Variants in CDKAL1 observed in about 807,000 individuals in gnomAD.
The protein encoded by CDKAL1 is CDKAL1 threonylcarbamoyladenosine tRNA methylthiotransferase, also known as threonylcarbamoyladenosine tRNA methylthiotransferase.
Under a neutral mutation model 68.2 loss-of-function variants are expected in CDKAL1, and 32 were observed. The observed-to-expected ratio is 0.47, with a 90% confidence interval of 0.35 to 0.63. The LOEUF is 0.63. Among genes scored for constraint, CDKAL1 ranks in the 30% least tolerant of loss-of-function variants. The pLI, the probability that CDKAL1 is intolerant of heterozygous loss-of-function variation, is 0.00. For missense variants in CDKAL1, 606 were observed against 696.7 expected (o/e 0.87, Z 1.47); for synonymous variants, 234 against 244.3 (o/e 0.96, Z 0.39).
intron 10 of CDKAL1, among the ~76,000 whole-genome samples, chr6:20,973,165 G>A (rs954217924): frequency 2.0e-5 from 3 of 151,966 alleles, no homozygotes; most frequent in African/African-American, 7.3e-5. Context: ...ATTGATATAT[G>A]TAGAATGCTT....
intron 8 of CDKAL1, among the ~76,000 whole-genome samples, chr6:20,830,237 A>G (rs775793665): frequency 3.4e-4 from 52 of 152,176 alleles, no homozygotes; most frequent in Non-Finnish European, 6.8e-4. Context: ...CTTTAGAATA[A>G]CCATCAAAAC....
intron 13 of CDKAL1, among the ~76,000 whole-genome samples, chr6:21,190,958 G>GA (rs931831142): frequency 6.6e-6 from 1 of 151,846 alleles, no homozygotes; most frequent in African/African-American, 2.4e-5. Context: ...AAAGTAAGAA[G>GA]AAAAAAAAGT....
rs116752352 is a variant in CDKAL1, at chr6:20,910,124, C to T, written c.743-45295C>T. Among the ~76,000 whole-genome samples the T allele has an allele frequency of 7.4e-3, 1,131 of 152,318 alleles. 13 individuals are homozygous for T. The highest frequency in any genetic ancestry group is 0.012 in the Non-Finnish European group (844 of 68,026). On this transcript the variant is annotated intron_variant, in intron 9 of 15. Transcript: ENST00000274695. Reference sequence around the variant, plus strand: ...AATAGCTCTAACTGTTCCTTGTCCTCATCTAATCCATTGCTTCCCAGATGT... The same window carrying T: ...AATAGCTCTAACTGTTCCTTGTCCTTATCTAATCCATTGCTTCCCAGATGT...
At chr6:21,193,914 G>A (rs899949181) in intron 13 of CDKAL1, among the ~76,000 whole-genome samples, 4 of 152,194 alleles carry the variant, frequency 2.6e-5, no homozygotes, top group Non-Finnish European at 5.9e-5. Flanking sequence ...CCCAAGACTG[G>A]ATAATTTATA....
At chr6:20,536,985 C>T (rs1763199115) in intron 2 of CDKAL1, among the ~76,000 whole-genome samples, 1 of 152,188 alleles carries the variant, frequency 6.6e-6, no homozygotes, top group African/African-American at 2.4e-5. Context: ...GCTCCATTCT[C>T]AGAGATTCAT....
intron 13 of CDKAL1, among the ~76,000 whole-genome samples, chr6:21,183,890 C>T (rs1457495333): frequency 6.6e-6 from 1 of 152,128 alleles, no homozygotes; most frequent in Non-Finnish European, 1.5e-5. Context: ...CAACTGAATG[C>T]ACCCCTCCTC....
intron 10 of CDKAL1, among the ~76,000 whole-genome samples, chr6:20,991,226 A>C (rs1199001514): frequency 6.6e-6 from 1 of 152,216 alleles, no homozygotes; most frequent in Non-Finnish European, 1.5e-5. Context: ...GCAGTAGTTA[A>C]ATTCATGGAG....
chr6:20,646,477 T>C lies in CDKAL1; in HGVS notation c.287-2816T>C, dbSNP rs188126850. On this transcript the variant is annotated intron_variant, in intron 4 of 15. Transcript: ENST00000274695. ...TAGGAATTTTTAAGCTCCATTATAC[T>C]CTTGTGTATCAACTGTCATATATGT... Among the ~76,000 whole-genome samples, 703 of 152,218 alleles carry C rather than the reference T, an allele frequency of 4.6e-3. 2 individuals are homozygous for C. The highest frequency in any genetic ancestry group is 0.015 in the African/African-American group (638 of 41,548).
intron 5 of CDKAL1, among the ~76,000 whole-genome samples, chr6:20,663,640 T>C (rs1206295626): frequency 1.3e-5 from 2 of 152,156 alleles, no homozygotes; most frequent in African/African-American, 2.4e-5. Flanking sequence ...TTTTCTGCTC[T>C]TAAGACCTGC....
intron 8 of CDKAL1, among the ~76,000 whole-genome samples, chr6:20,833,877 G>A (rs1274869917): frequency 6.6e-6 from 1 of 152,130 alleles, no homozygotes; most frequent in East Asian, 1.9e-4. Flanking sequence ...GAGATCTCAG[G>A]TTGCTTTGGA....
intron 5 of CDKAL1, among the ~76,000 whole-genome samples, chr6:20,738,534 G>T (rs1225836540): frequency 1.4e-5 from 2 of 143,198 alleles, no homozygotes; most frequent in African/African-American, 2.6e-5. Context: ...TGTTGCCCAG[G>T]CTAGAATACA....
chr6:20,613,249 C>CTTTTTTTTTTTTTTTTTTTTTTTTTTTTT (rs71559677), intron 4 of CDKAL1, among the ~76,000 whole-genome samples: 2 of 77,862 alleles, frequency 2.6e-5, no homozygotes, highest in African/African-American at 5.2e-5. Context: ...AAATTTCTTT[C>CTTTTTTTTTTTTTTTTTTTTTTTTTTTTT]TTTTTTTTTT....
intron 7 of CDKAL1, among the ~76,000 whole-genome samples, chr6:20,766,215 A>G (rs1448263430): frequency 6.6e-6 from 1 of 152,062 alleles, no homozygotes; most frequent in Non-Finnish European, 1.5e-5. Context: ...TTTTTTAATT[A>G]TTTGAAACCA....
chr6:20,777,035 G>C (rs1171059458), intron 7 of CDKAL1, among the ~76,000 whole-genome samples: 1 of 152,186 alleles, frequency 6.6e-6, no homozygotes, highest in Non-Finnish European at 1.5e-5. Context: ...GACATGTTTG[G>C]TGCAAGCAAT....
intron 9 of CDKAL1, among the ~76,000 whole-genome samples, chr6:20,856,074 G>C (rs974970441): frequency 3.3e-5 from 5 of 152,326 alleles, no homozygotes; most frequent in African/African-American, 9.6e-5. Flanking sequence ...GAGGAAAACT[G>C]ATGTATTTAA....
In CDKAL1 at chr6:20,935,042, C is replaced by T. The variant is rs370594649; in HGVS notation, c.743-20377C>T. On this transcript the variant is annotated intron_variant, in intron 9 of 15. Transcript: ENST00000274695. The stretch of plus-strand genomic sequence containing the variant: ...TCCTGAGTATCTGGGACTACAGGCA[C>T]GTGCCAACACACCCAGCTAATTTTT... 7.9e-5 allele frequency among the ~76,000 whole-genome samples: 12 copies of T among 151,766 alleles called. No homozygotes were observed. The East Asian group carries it at 1.6e-3, about 20-fold the overall frequency.
chr6:21,140,603 G>T (rs1362497491), intron 13 of CDKAL1, among the ~76,000 whole-genome samples: 1 of 152,196 alleles, frequency 6.6e-6, no homozygotes, highest in Non-Finnish European at 1.5e-5. Context: ...GGGAGGGTTT[G>T]GTCGTTGCTA....
intron 8 of CDKAL1, among the ~76,000 whole-genome samples, chr6:20,799,050 T>TG (rs1191827592): frequency 5.2e-5 from 6 of 114,576 alleles, no homozygotes; most frequent in African/African-American, 2.1e-4. Flanking sequence ...GTTTTTTTTT[T>TG]TTTTTTTTTT....
intron 4 of CDKAL1, among the ~76,000 whole-genome samples, chr6:20,639,918 C>T (rs1279407826): frequency 6.6e-6 from 1 of 152,270 alleles, no homozygotes; most frequent in Non-Finnish European, 1.5e-5. Flanking sequence ...ATCCGCCCGC[C>T]TTGGCCTCCC....
Sources: gnomAD v4.1 joint callset for allele counts (sites outside exome capture counted in the v4.1 genomes callset) on GRCh38, gnomAD v4.1.1 for gene constraint, MANE v1.5 for transcripts, NCBI Gene and HGNC (gene_info 2026-07-23, HGNC 2026-07-21) for gene names.